POLK: variants seen among roughly 807,000 people sequenced by gnomAD.
POLK encodes polymerase (DNA directed) kappa.
POLK carries 76 observed loss-of-function variants against 94.0 expected under a neutral mutation model. That is an observed-to-expected ratio of 0.81 (90% confidence interval 0.67 to 0.98). POLK has a LOEUF of 0.98. POLK is among the 50% of genes least tolerant of loss of function. The probability of loss-of-function intolerance (pLI) is 0.00; values close to 1 mark genes in which losing one functional copy is unlikely to be tolerated. For synonymous variants in POLK, 349 were observed against 325.4 expected, an observed-to-expected ratio of 1.07 and a Z score of -0.78; for missense variants, 954 against 1,010.1, an observed-to-expected ratio of 0.94 and a Z score of 0.75.
chr5:75,535,560 T>TCC (rs1769401229), intron 1 of POLK, among the ~76,000 whole-genome samples: 1 of 151,480 alleles, frequency 6.6e-6, no homozygotes, highest in South Asian at 2.1e-4. Flanking sequence ...TTGCTTACTT[T>TCC]CTCTCTCTCT....
At chr5:75,511,731 C>T, upstream of POLK, 1 of 1,548,606 alleles carries the variant, frequency 6.5e-7, no homozygotes, top group Non-Finnish European at 8.7e-7. Context: ...ACACGCCGAG[C>T]CTTCGGGATC....
At chr5:75,553,943 T>C (rs1770461232) in intron 3 of POLK, among the ~76,000 whole-genome samples, 1 of 152,180 alleles carries the variant, frequency 6.6e-6, no homozygotes, top group Admixed American at 6.6e-5. Flanking sequence ...AGACCCAGGT[T>C]CTTTAAATCA....
At chr5:75,517,270 C>A (rs1768366707) in intron 1 of POLK, among the ~76,000 whole-genome samples, 1 of 152,162 alleles carries the variant, frequency 6.6e-6, no homozygotes, top group South Asian at 2.1e-4. Flanking sequence ...TCTAATTCCA[C>A]AAGCTTAGAA....
exon 12 of POLK, chr5:75,593,936 C>G (rs1217060153): frequency 1.2e-6 from 2 of 1,608,620 alleles, no homozygotes; most frequent in Admixed American, 1.7e-5. Context: ...ACTCGTGCAT[C>G]TACAGTTTCA....
downstream of POLK, among the ~76,000 whole-genome samples, chr5:75,602,762 A>G (rs528372973): frequency 3.9e-5 from 6 of 152,208 alleles, no homozygotes; most frequent in Admixed American, 3.3e-4. Context: ...ATGTAATTCA[A>G]AGGTCTCTTT....
exon 13 of POLK, chr5:75,596,513 A>T (rs1561415012): frequency 1.9e-6 from 3 of 1,614,052 alleles, no homozygotes; most frequent in Non-Finnish European, 2.5e-6. Flanking sequence ...AAGAAGATGA[A>T]TGAGAATTTG....
chr5:75,512,549 G>T (rs1768096185), intron 1 of POLK: 1 of 152,122 alleles, frequency 6.6e-6, no homozygotes, highest in African/African-American at 2.4e-5. Flanking sequence ...GAAGTGCAGT[G>T]GTTTTGTGTG....
chr5:75,596,122 A>G, intron 12 of POLK, 100 bp from the exon 13 acceptor site: 1 of 679,252 alleles, frequency 1.5e-6, no homozygotes, highest in Non-Finnish European at 2.6e-6. Context: ...TCTCTAGCCA[A>G]CCTTTTGTAT....
At chr5:75,586,964 T>G in intron 9 of POLK, 62 bp from the exon 10 acceptor site, 1 of 1,172,324 alleles carries the variant, frequency 8.5e-7, no homozygotes, top group Non-Finnish European at 1.2e-6. Context: ...TGTTAAATCC[T>G]CTTGGTTAAC....
At chr5:75,589,663 G>A (rs1009736525) in intron 10 of POLK, among the ~76,000 whole-genome samples, 11 of 152,116 alleles carry the variant, frequency 7.2e-5, no homozygotes, top group Admixed American at 2.0e-4. Context: ...GTTGCCACTA[G>A]GGAAGAGAAC....
At chr5:75,586,300 A>T (rs909779847) in intron 9 of POLK, among the ~76,000 whole-genome samples, 1 of 152,034 alleles carries the variant, frequency 6.6e-6, no homozygotes, top group Non-Finnish European at 1.5e-5. Flanking sequence ...AATCCATTCC[A>T]TATTTACTAC....
chr5:75,603,292 C>T (rs961397858), downstream of POLK, among the ~76,000 whole-genome samples: 4 of 152,098 alleles, frequency 2.6e-5, no homozygotes, highest in Non-Finnish European at 5.9e-5. Context: ...GTTTCCATCT[C>T]TTTTGTCAAG....
At position 75,573,662 on chromosome 5, in the gene POLK, G is replaced by A. The variant is rs141617871; in HGVS notation, c.409-76G>A. The A allele has an allele frequency of 1.1e-5, 13 of 1,195,792 alleles. No homozygotes were observed. The African/African-American group carries it at 1.3e-4, about 12-fold the overall frequency. The allele number at this position is 1,195,792 out of a possible 1,614,324, so 74.1% of individuals were successfully genotyped here. A position where few individuals can be genotyped will look rare whatever the true frequency, so the allele number is the denominator to read the frequency against. On this transcript the variant is annotated intron_variant, in intron 4 of 14. Coordinates refer to ENST00000241436, the Ensembl canonical transcript of POLK. ...GAATTGAAAATGCACATATTAATGT[G>A]TTTCTTATGAATGCATTGATCAATA...
intron 3 of POLK, among the ~76,000 whole-genome samples, chr5:75,568,050 G>A (rs1438955151): frequency 6.6e-6 from 1 of 152,210 alleles, no homozygotes; most frequent in Admixed American, 6.5e-5. Context: ...GGCAAAGCTG[G>A]AGTACAACAT....
At chr5:75,540,263 T>C (rs1769670491) in intron 1 of POLK, among the ~76,000 whole-genome samples, 1 of 152,116 alleles carries the variant, frequency 6.6e-6, no homozygotes, top group Non-Finnish European at 1.5e-5. Context: ...CCCTATCCTA[T>C]TATCCTGGCT....
chr5:75,515,144 C>T (rs1442088109), intron 1 of POLK, among the ~76,000 whole-genome samples: 1 of 152,076 alleles, frequency 6.6e-6, no homozygotes, highest in Non-Finnish European at 1.5e-5. Flanking sequence ...GCAACTATCC[C>T]CTTGTCTTGT....
At chr5:75,513,992 T>C (rs1768205619) in intron 1 of POLK, among the ~76,000 whole-genome samples, 1 of 152,194 alleles carries the variant, frequency 6.6e-6, no homozygotes, top group Non-Finnish European at 1.5e-5. Context: ...CCTGTTTTTT[T>C]CTAACCTTTT....
intron 7 of POLK, chr5:75,582,240 A>G (rs888786287): frequency 6.5e-6 from 3 of 458,170 alleles, no homozygotes; most frequent in African/African-American, 4.3e-5. Flanking sequence ...TCTTAACATA[A>G]TAACTGTTAT....
intron 1 of POLK, among the ~76,000 whole-genome samples, chr5:75,545,204 G>A (rs1034926967): frequency 1.3e-5 from 2 of 152,090 alleles, no homozygotes; most frequent in Non-Finnish European, 2.9e-5. Flanking sequence ...TTTATTCTTT[G>A]CTGGTGCCAA....
Sources: allele counts gnomAD v4.1 joint callset (sites outside exome capture counted in the v4.1 genomes callset), GRCh38; gene constraint gnomAD v4.1.1; transcripts MANE v1.5; gene names NCBI Gene and HGNC (gene_info 2026-07-23, HGNC 2026-07-21).